The following NCOA2 variants were observed in gnomAD, a reference collection of about 807,000 sequenced individuals.
NCOA2 encodes class E basic helix-loop-helix protein 75.
Under a neutral mutation model 145.1 loss-of-function variants are expected in NCOA2, and 21 were observed. That is an observed-to-expected ratio of 0.14 (90% CI 0.10 to 0.21). The LOEUF is 0.21. Among genes scored for constraint, NCOA2 ranks in the 10% least tolerant of loss-of-function variants. The probability of loss-of-function intolerance (pLI) is 1.00; values close to 1 mark genes in which losing one functional copy is unlikely to be tolerated. For missense variants in NCOA2, 1,472 were observed against 1,837.6 expected (o/e 0.80, Z 3.64); for synonymous variants, 619 against 637.5 (o/e 0.97, Z 0.44).
intron 2 of NCOA2, among the ~76,000 whole-genome samples, chr8:70,217,087 C>G (rs112529347): frequency 7.2e-5 from 11 of 152,256 alleles, no homozygotes; most frequent in Admixed American, 2.0e-4. Flanking sequence ...CTGCCAGCCT[C>G]CAGTTTCAAG....
intron 12 of NCOA2, among the ~76,000 whole-genome samples, 172 bp from the exon 13 acceptor site, chr8:70,145,020 C>T (rs1189985756): frequency 2.6e-5 from 4 of 152,188 alleles, no homozygotes; most frequent in African/African-American, 9.7e-5. Context: ...CACCCCAAAG[C>T]ATAGATGTGT....
At chr8:70,179,102 T>A (rs74957986) in intron 4 of NCOA2, among the ~76,000 whole-genome samples, 6,925 of 152,262 alleles carry the variant, frequency 0.045, 265 homozygotes, top group East Asian at 0.16. Flanking sequence ...TTTTTATTCC[T>A]CATTAATAAA....
chr8:70,453,446 T>A, the NCOA2 span, among the ~76,000 whole-genome samples: 1 of 152,214 alleles, frequency 6.6e-6, no homozygotes. Flanking sequence ...GCTGATAGAA[T>A]GTGTATTAAC....
intron 21 of NCOA2, among the ~76,000 whole-genome samples, chr8:70,123,314 T>G (rs1474588975): frequency 6.6e-6 from 1 of 152,224 alleles, no homozygotes; most frequent in Non-Finnish European, 1.5e-5. Flanking sequence ...GTTTGGCCTT[T>G]GCTTTTCATC....
At chr8:70,225,135 C>G (rs895704333) in intron 2 of NCOA2, among the ~76,000 whole-genome samples, 3 of 152,106 alleles carry the variant, frequency 2.0e-5, no homozygotes, top group Non-Finnish European at 4.4e-5. Flanking sequence ...GAGAATATAG[C>G]AATAAACCCA....
intron 2 of NCOA2, among the ~76,000 whole-genome samples, chr8:70,285,899 T>C (rs900188006): frequency 2.6e-5 from 4 of 152,200 alleles, no homozygotes; most frequent in African/African-American, 4.8e-5. Flanking sequence ...TTTGGAAATA[T>C]ATAGTTTCAG....
chr8:70,201,749 C>A (rs550193959), intron 4 of NCOA2, among the ~76,000 whole-genome samples: 1 of 152,292 alleles, frequency 6.6e-6, no homozygotes, highest in Admixed American at 6.5e-5. Flanking sequence ...TCCCTGTAAC[C>A]TGTATAGGAA....
chr8:70,416,838 A>G, the NCOA2 span, among the ~76,000 whole-genome samples: 3 of 152,338 alleles, frequency 2.0e-5, no homozygotes, highest in South Asian at 6.2e-4. Flanking sequence ...ACTTCTCATT[A>G]GGCTCATCTC....
the NCOA2 span, among the ~76,000 whole-genome samples, chr8:70,442,026 GAGA>G: frequency 7.2e-6 from 1 of 139,668 alleles, no homozygotes; most frequent in Admixed American, 7.2e-5. Context: ...AAGAAAGAAA[GAGA>G]AAAGAAAGAG....
chr8:70,357,894 T>G (rs1007687548), intron 1 of NCOA2, among the ~76,000 whole-genome samples: 2 of 150,446 alleles, frequency 1.3e-5, no homozygotes, highest in Admixed American at 6.6e-5. Context: ...CTACTAAAAA[T>G]ACAAAAATTA....
chr8:70,286,227 A>G (rs1312004651), intron 2 of NCOA2, among the ~76,000 whole-genome samples: 1 of 152,170 alleles, frequency 6.6e-6, no homozygotes, highest in Non-Finnish European at 1.5e-5. Flanking sequence ...AGCCTGGGCA[A>G]CATAACGAGA....
At chr8:70,440,049 C>T in the NCOA2 span, among the ~76,000 whole-genome samples, 1 of 152,172 alleles carries the variant, frequency 6.6e-6, no homozygotes, top group Admixed American at 6.5e-5. Flanking sequence ...CCAGCAGCAT[C>T]ATCTCACTTG....
At chr8:70,343,405 G>A (rs562538564) in intron 1 of NCOA2, among the ~76,000 whole-genome samples, 2 of 151,948 alleles carry the variant, frequency 1.3e-5, no homozygotes, top group East Asian at 3.9e-4. Flanking sequence ...ATTATTTATA[G>A]CACTTTAAAA....
At chr8:70,252,384 G>A (rs1823265734) in intron 2 of NCOA2, among the ~76,000 whole-genome samples, 1 of 152,130 alleles carries the variant, frequency 6.6e-6, no homozygotes. Flanking sequence ...AGACCAGCCT[G>A]GGCAACATAG....
chr8:70,440,113 C>T, the NCOA2 span, among the ~76,000 whole-genome samples: 1 of 151,948 alleles, frequency 6.6e-6, no homozygotes, highest in Non-Finnish European at 1.5e-5. Context: ...TGTGAAGCCC[C>T]ATCTCTACTA....
intron 2 of NCOA2, among the ~76,000 whole-genome samples, chr8:70,248,931 C>T (rs1822854720): frequency 6.6e-6 from 1 of 151,798 alleles, no homozygotes; most frequent in Non-Finnish European, 1.5e-5. Context: ...TATCCATTCT[C>T]CTATTGGTAG....
chr8:70,192,480 C>T (rs1240645925), intron 4 of NCOA2, among the ~76,000 whole-genome samples: 1 of 152,210 alleles, frequency 6.6e-6, no homozygotes, highest in Non-Finnish European at 1.5e-5. Flanking sequence ...CCTGTGCATA[C>T]ACCTGTGACT....
intron 2 of NCOA2, among the ~76,000 whole-genome samples, chr8:70,254,832 A>G (rs1823505376): frequency 6.6e-6 from 1 of 152,192 alleles, no homozygotes; most frequent in Non-Finnish European, 1.5e-5. Flanking sequence ...ATGCCACAGA[A>G]CTATACATTT....
In NCOA2 at chr8:70,156,436, C is replaced by T; in HGVS notation, c.1929G>A (p.Gln643=). ...TCTGATCAGATTTGGTGGTCAGCAG[C>T]TGCAGGAGTTTGGTCTGCCCTTTGC... ...HDSKGQTKLL[Q]LLTTKSDQME... is the part of the protein sequence containing the mutation. Residue 643 remains glutamine, a synonymous_variant, in exon 11 of 23, where the codon CAG becomes CAA. Transcript: ENST00000452400. 1 of 1,613,998 alleles carries T rather than the reference C, an allele frequency of 6.2e-7. No homozygotes were observed. The highest frequency in any genetic ancestry group is 1.1e-5 in the South Asian group (1 of 91,078).
Sources: allele counts gnomAD v4.1 joint callset (sites outside exome capture counted in the v4.1 genomes callset), GRCh38; gene constraint gnomAD v4.1.1; transcripts MANE v1.5; gene names NCBI Gene and HGNC (gene_info 2026-07-23, HGNC 2026-07-21).